Variants in EIF2A observed in about 807,000 individuals in gnomAD.
EIF2A encodes 65 kDa eukaryotic translation initiation factor 2A.
In EIF2A, 62 loss-of-function variants were observed where a neutral mutation model predicts 75.2. The ratio of observed to expected loss-of-function variants is 0.82; its 90% CI spans 0.67 to 1.02. The LOEUF (loss-of-function observed/expected upper bound fraction) is 1.02. Ranked by LOEUF, EIF2A falls within the 50% of genes least tolerant of loss-of-function variation. The pLI, the probability that EIF2A is intolerant of heterozygous loss-of-function variation, is 0.00. For synonymous variants in EIF2A, 207 were observed against 239.0 expected (o/e 0.87, Z 1.23); for missense variants, 611 against 677.7 (o/e 0.90, Z 1.09).
At chr3:150,570,007 T>G (rs758848226) in intron 9 of EIF2A, among the ~76,000 whole-genome samples, 40 of 152,204 alleles carry the variant, frequency 2.6e-4, no homozygotes, top group Non-Finnish European at 4.7e-4. Context: ...ATATGTGGTT[T>G]GGGATAACTG....
Position 150,583,899 on chromosome 3 carries a change from A to G in EIF2A, c.1746A>G (p.Glu582=), listed in dbSNP as rs1275532095. Residue 582 remains glutamate, a synonymous_variant, in exon 14 of 14, where the codon GAA becomes GAG. Transcript: ENST00000460851. ...TALLQELEDL[E]LGI ...TTCTCCAGGAGCTGGAAGATTTGGA[A>G]TTGGGTATTTAAAGATTCACGGAAA... 4 of 1,613,612 alleles carry G rather than the reference A, an allele frequency of 2.5e-6. No homozygotes were observed. The highest frequency in any genetic ancestry group is 1.7e-5 in the Admixed American group (1 of 60,016).
intron 10 of EIF2A, 83 bp from the exon 11 acceptor site, chr3:150,575,566 T>C: frequency 9.9e-7 from 1 of 1,008,316 alleles, no homozygotes. Context: ...AAGTTTATCC[T>C]ATATTAGCAG....
chr3:150,567,762 A>C lies in EIF2A; in HGVS notation c.545A>C (p.Tyr182Ser), dbSNP rs1255342818. The change falls in exon 7 of 14, where the codon TAC (tyrosine) becomes TCC (serine). Residue 182 changes from tyrosine to serine, a missense_variant. Tyr to Ser is a moderately radical substitution (Grantham distance 144). Coordinates refer to ENST00000460851, the MANE Select transcript of EIF2A (RefSeq NM_032025.5). ...GTATTATCACCTGGACCCCAACCAT[A>C]CAAGGTAATTGCTGTTTTTGTTTAT... The part of the protein sequence containing the change: ...DFVLSPGPQP[Y>S]KVAVYVPGSK... The C allele has an allele frequency of 6.4e-7, 1 of 1,566,392 alleles. No individual in the cohort carries two copies. Among genetic ancestry groups the C allele is most frequent in the Non-Finnish European group, 8.7e-7 (1 of 1,154,694 alleles).
At chr3:150,556,830 A>T (rs1723595595) in intron 2 of EIF2A, among the ~76,000 whole-genome samples, 2 of 152,328 alleles carry the variant, frequency 1.3e-5, no homozygotes, top group South Asian at 4.1e-4. Context: ...AATCATTGCG[A>T]TAAGGGGGTG....
chr3:150,578,240 T>C (rs1724978638), intron 11 of EIF2A, among the ~76,000 whole-genome samples: 1 of 150,438 alleles, frequency 6.6e-6, no homozygotes, highest in African/African-American at 2.4e-5. Context: ...AAGATTCCTT[T>C]ATACTTATTA....
At chr3:150,559,765 G>T (rs1723753507) in intron 3 of EIF2A, among the ~76,000 whole-genome samples, 1 of 151,978 alleles carries the variant, frequency 6.6e-6, no homozygotes, top group Non-Finnish European at 1.5e-5. Flanking sequence ...AAAGTGCTAG[G>T]ATTACAGGCA....
chr3:150,574,767 T>A (rs1454508479), intron 10 of EIF2A, among the ~76,000 whole-genome samples: 2 of 152,244 alleles, frequency 1.3e-5, no homozygotes, highest in Non-Finnish European at 2.9e-5. Flanking sequence ...CATATAGAAC[T>A]TATAAGTAAA....
At chr3:150,552,614 G>A (rs1049444493) in intron 2 of EIF2A, 189 bp downstream of exon 2, 14 of 488,096 alleles carry the variant, frequency 2.9e-5, no homozygotes, top group Admixed American at 7.6e-5. Context: ...TCTGAAAATA[G>A]TAACTTAAGC....
chr3:150,557,795 G>A, intron 2 of EIF2A: 1 of 272,782 alleles, frequency 3.7e-6, no homozygotes. Context: ...CATTTGTGCA[G>A]ATGAATTAAT....
At chr3:150,577,967 G>A (rs1330627037) in intron 11 of EIF2A, among the ~76,000 whole-genome samples, 1 of 152,102 alleles carries the variant, frequency 6.6e-6, no homozygotes, top group Non-Finnish European at 1.5e-5. Flanking sequence ...GTTATTCCAA[G>A]TAAAAATGAT....
intron 2 of EIF2A, chr3:150,557,664 G>C: frequency 2.7e-6 from 1 of 368,640 alleles, no homozygotes; most frequent in Non-Finnish European, 5.4e-6. Context: ...CTCCCAAACT[G>C]CTGGGATTAC....
chr3:150,564,091 TTG>T (rs1724031931), intron 5 of EIF2A, among the ~76,000 whole-genome samples: 1 of 152,182 alleles, frequency 6.6e-6, no homozygotes, highest in African/African-American at 2.4e-5. Context: ...AGTGCTGGGA[TTG>T]CAGGTGTGAG....
chr3:150,557,461 T>C (rs1019110012), intron 2 of EIF2A: 3 of 180,248 alleles, frequency 1.7e-5, no homozygotes, highest in Non-Finnish European at 3.6e-5. Flanking sequence ...GGCTGGACAG[T>C]GGCGCAGGGG....
rs573894820 is a variant in EIF2A at position 150,553,555 on chromosome 3, C to G, written c.98+1130C>G. ...TCCCAAGTAGGTGGGATTACAGGTG[C>G]CTGCCACCATGCCTGGCTAATTTTT... On this transcript the variant is annotated intron_variant, in intron 2 of 13. Coordinates refer to ENST00000460851, the MANE Select transcript of EIF2A (RefSeq NM_032025.5). Among the ~76,000 whole-genome samples, 14 of 152,074 alleles carry G rather than the reference C, an allele frequency of 9.2e-5. No individual in the cohort carries two copies. In the South Asian group the frequency reaches 2.9e-3, roughly 32 times the overall value.
intron 9 of EIF2A, among the ~76,000 whole-genome samples, chr3:150,569,420 ATT>A (rs11456857): frequency 3.3e-5 from 5 of 150,194 alleles, no homozygotes; most frequent in Admixed American, 6.6e-5. Context: ...ATGCTAACTG[ATT>A]TTTTTTTTTT....
At position 150,564,296 on chromosome 3, in the gene EIF2A, T is replaced by C; in HGVS notation, c.393-3T>C. The stretch of plus-strand genomic sequence containing the variant: ...ATACTTTTTTTTTTTTTCATTGACA[T>C]AGGTGTCCATCCTGGTCAGAAGATG... On this transcript the variant is annotated splice_polypyrimidine_tract_variant and splice_region_variant and intron_variant, in intron 5 of 13. Transcript: ENST00000460851. 2 of 1,559,614 alleles carry C rather than the reference T, an allele frequency of 1.3e-6. No homozygotes were observed. The highest frequency in any genetic ancestry group is 1.2e-5 in the South Asian group (1 of 80,938).
At position 150,584,088 on chromosome 3, in the gene EIF2A, T is replaced by C. The variant is rs1725341592; in HGVS notation, c.*177T>C. 3.5e-6 allele frequency: 2 copies of C among 575,644 alleles called. No homozygotes were observed. Among genetic ancestry groups the C allele is most frequent in the South Asian group, 3.1e-5 (1 of 32,246 alleles). The allele number at this position is 575,644 out of a possible 1,614,324, so 35.7% of individuals were successfully genotyped here. On this transcript the variant is annotated 3_prime_UTR_variant, in exon 14 of 14. Coordinates refer to ENST00000460851, the MANE Select transcript of EIF2A (RefSeq NM_032025.5). ...TTTAATAATGTCTATTAAATTGATA[T>C]TTATATCTTGCATCCTATATCATGT...
rs1725399952 is a variant in EIF2A, at chr3:150,585,107, T to C, written c.*1196T>C. On this transcript the variant is annotated 3_prime_UTR_variant, in exon 14 of 14. Coordinates refer to ENST00000460851, the MANE Select transcript of EIF2A (RefSeq NM_032025.5). ...TCTCACTCTGCCTCCCAGGTTGGAG[T>C]GCACCTTGAACTCCTGGACTCAAGT... Among the ~76,000 whole-genome samples the C allele has an allele frequency of 6.6e-6, 1 of 152,072 alleles. No individual in the cohort carries two copies. Among genetic ancestry groups the C allele is most frequent in the South Asian group, 2.1e-4 (1 of 4,826 alleles).
intron 2 of EIF2A, among the ~76,000 whole-genome samples, chr3:150,556,921 A>C (rs1723599390): frequency 6.6e-6 from 1 of 152,242 alleles, no homozygotes; most frequent in Non-Finnish European, 1.5e-5. Context: ...ATTTCCAGAC[A>C]GAATAATAGA....
Sources: allele counts gnomAD v4.1 joint callset (sites outside exome capture counted in the v4.1 genomes callset), GRCh38; gene constraint gnomAD v4.1.1; transcripts MANE v1.5; gene names NCBI Gene and HGNC (gene_info 2026-07-23, HGNC 2026-07-21).